Variants in F2 observed in about 807,000 individuals in gnomAD.
The protein encoded by F2 is coagulation factor II, thrombin, also known as prothrombin.
F2 carries 34 observed loss-of-function variants against 81.9 expected under a neutral mutation model. The observed-to-expected ratio is 0.42, with a 90% CI of 0.32 to 0.55. The LOEUF (loss-of-function observed/expected upper bound fraction) is 0.55. F2 is among the 20% of genes least tolerant of loss of function. F2 has a pLI of 0.18. For synonymous variants in F2, 296 were observed against 326.4 expected (o/e 0.91, Z 1.01); for missense variants, 630 against 833.4 (o/e 0.76, Z 3.00).
intron 12 of F2, among the ~76,000 whole-genome samples, chr11:46,736,455 C>T (rs926398612): frequency 1.3e-5 from 2 of 151,992 alleles, no homozygotes; most frequent in East Asian, 1.9e-4. Flanking sequence ...TTTTTTCCTG[C>T]ATCCAGCTAA....
Position 46,739,247 on chromosome 11 carries a change from C to T in F2, c.1726-18C>T, listed in dbSNP as rs777615414. Reference sequence around the variant, plus strand: ...CCTTGAACTTGACTCTATTGGAAACCTCATCTTTCTTCTTCAGAGCCCCTT... The same window carrying T: ...CCTTGAACTTGACTCTATTGGAAACTTCATCTTTCTTCTTCAGAGCCCCTT... On this transcript the variant is annotated intron_variant, in intron 13 of 13. Coordinates refer to ENST00000311907, the MANE Select transcript of F2 (RefSeq NM_000506.5). 1.9e-6 allele frequency: 3 copies of T among 1,613,590 alleles called. No individual in the cohort carries two copies. Among genetic ancestry groups the T allele is most frequent in the East Asian group, 2.2e-5 (1 of 44,884 alleles).
intron 12 of F2, among the ~76,000 whole-genome samples, chr11:46,731,465 G>A (rs145419392): frequency 1.3e-5 from 2 of 151,702 alleles, no homozygotes; most frequent in African/African-American, 4.8e-5. Flanking sequence ...ACAGGCGTGA[G>A]CCACAGCACC....
rs3136506 is a variant in F2 at position 46,738,045 on chromosome 11, G to A, written c.1655-1003G>A. Among the ~76,000 whole-genome samples, 913 of 151,542 alleles carry A rather than the reference G, an allele frequency of 6.0e-3. 11 individuals are homozygous for A. The highest frequency in any genetic ancestry group is 0.021 in the African/African-American group (857 of 41,304). ...CAGAGTCTTGTTCTGTCGCTCAGGC[G>A]GTAGTGCAGTGGTGCAATCCCGGCT... On this transcript the variant is annotated intron_variant, in intron 12 of 13. Coordinates refer to ENST00000311907, the MANE Select transcript of F2 (RefSeq NM_000506.5).
intron 12 of F2, among the ~76,000 whole-genome samples, chr11:46,733,785 T>C (rs1443673353): frequency 8.9e-6 from 1 of 111,832 alleles, no homozygotes; most frequent in Non-Finnish European, 2.1e-5. Flanking sequence ...TAAGGACCTT[T>C]TTTTTTTTTT....
Position 46,726,768 on chromosome 11 carries a change from A to G in F2, c.1061A>G (p.Glu354Gly). The G allele has an allele frequency of 1.9e-6, 3 of 1,614,128 alleles. No individual in the cohort carries two copies. Among genetic ancestry groups the G allele is most frequent in the Non-Finnish European group, 2.5e-6 (3 of 1,180,026 alleles). The change falls in exon 9 of 14, where the codon GAG (glutamate) becomes GGG (glycine). Residue 354 changes from glutamate (E) to glycine (G), a missense_variant. Coordinates refer to ENST00000311907, the MANE Select transcript of F2 (RefSeq NM_000506.5). This position sits in a 1 kb window ranked among gnomAD's most constrained non-coding sequence, Gnocchi z 5.9. ...TCGCTGGAGGACAAAACCGAAAGAG[A>G]GCTCCTGGAATCCTACATCGACGGG... ...KKSLEDKTER[E>G]LLESYIDGRI...
chr11:46,738,475 C>T (rs1565709287), intron 12 of F2, among the ~76,000 whole-genome samples: 2 of 151,386 alleles, frequency 1.3e-5, no homozygotes, highest in Admixed American at 1.3e-4. Context: ...GGTCTTTTAT[C>T]ATTAATTAAT....
intron 12 of F2, 86 bp from the exon 13 acceptor site, chr11:46,738,962 T>C (rs1458505385): frequency 3.7e-6 from 5 of 1,352,046 alleles, no homozygotes; most frequent in Non-Finnish European, 5.3e-6. Flanking sequence ...GAGGGGTAAG[T>C]GGACTCTCAC....
intron 12 of F2, among the ~76,000 whole-genome samples, chr11:46,733,056 A>G (rs2064923136): frequency 6.6e-6 from 1 of 152,022 alleles, no homozygotes; most frequent in African/African-American, 2.4e-5. Flanking sequence ...TCATCTATAT[A>G]AAAAACCATG....
At chr11:46,727,586 T>TCGAACA (rs1445949652) in intron 9 of F2, among the ~76,000 whole-genome samples, 3 of 151,942 alleles carry the variant, frequency 2.0e-5, no homozygotes, top group Non-Finnish European at 2.9e-5. Flanking sequence ...GAGGCCAGCC[T>TCGAACA]GGGCAAAATG....
Position 46,728,128 on chromosome 11 carries a change from C to A in F2, c.1263C>A (p.Asp421Glu), listed in dbSNP as rs2064888017. Residue 421 changes from aspartate (D) to glutamate (E), a missense_variant, in exon 10 of 14, where the codon GAC becomes GAA. Physicochemically the swap from Asp to Glu is conservative, Grantham distance 45. Transcript: ENST00000311907. The surrounding 1 kb of genome is among the most constrained non-coding windows in gnomAD (Gnocchi z 5.1). The stretch of plus-strand genomic sequence containing the variant: ...GGGACAAGAACTTCACCGAGAATGA[C>A]CTTCTGGTGCGCATTGGCAAGCACT... Reference protein sequence around the residue: ...PPWDKNFTENDLLVRIGKHSR... With the variant: ...PPWDKNFTENELLVRIGKHSR... 1 of 1,610,874 alleles carries A rather than the reference C, an allele frequency of 6.2e-7. No individual in the cohort carries two copies. The highest frequency in any genetic ancestry group is 8.5e-7 in the Non-Finnish European group (1 of 1,179,022).
rs1456728300 is a variant in F2, at chr11:46,719,295, C to T, written c.60C>T (p.Ser20=). The change falls in exon 1 of 14, where the codon AGC becomes AGT. Residue 20 remains serine (S), a synonymous_variant. Coordinates refer to ENST00000311907, the MANE Select transcript of F2 (RefSeq NM_000506.5). The surrounding 1 kb of genome is among the most constrained non-coding windows in gnomAD (Gnocchi z 4.7). The stretch of plus-strand genomic sequence containing the variant: ...GCCTGGCCCTGGCTGCCCTGTGTAG[C>T]CTTGTGCACAGCCAGCATGGTAAGG... The part of the protein sequence containing the change: ...PGCLALAALC[S]LVHSQHVFLA... The T allele has an allele frequency of 3.1e-6, 5 of 1,613,276 alleles. No homozygotes were observed. Among genetic ancestry groups the T allele is most frequent in the Non-Finnish European group, 4.2e-6 (5 of 1,179,948 alleles).
Position 46,719,453 on chromosome 11 carries a change from G to A in F2, c.79+139G>A, listed in dbSNP as rs1565700510. On this transcript the variant is annotated intron_variant, in intron 1 of 13. Transcript: ENST00000311907. This position sits in a 1 kb window ranked among gnomAD's most constrained non-coding sequence, Gnocchi z 4.7. ...CCCAGGCGGCCAGCTTAGGGAAGAA[G>A]TCAGGAGCTCAGGGCTGGAAAGAGA... The A allele has an allele frequency of 1.9e-6, 2 of 1,078,992 alleles. No individual in the cohort carries two copies. 66.8% of individuals were successfully genotyped at this position (1,078,992 alleles called of 1,614,324 possible).
intron 12 of F2, among the ~76,000 whole-genome samples, chr11:46,738,063 T>G (rs890811285): frequency 2.0e-5 from 3 of 152,048 alleles, no homozygotes; most frequent in African/African-American, 7.2e-5. Context: ...AGTGGTGCAA[T>G]CCCGGCTCAC....
chr11:46,719,551 C>A lies in F2; in HGVS notation c.80-151C>A. 9.2e-7 allele frequency: 1 copy of A among 1,090,922 alleles called. No homozygotes were observed. The highest frequency in any genetic ancestry group is 1.3e-6 in the Non-Finnish European group (1 of 751,410). The allele number at this position is 1,090,922 out of a possible 1,614,324, so 67.6% of individuals were successfully genotyped here. A position where few individuals can be genotyped will look rare whatever the true frequency, so the allele number is the denominator to read the frequency against. On this transcript the variant is annotated intron_variant, in intron 1 of 13. Transcript: ENST00000311907. This position sits in a 1 kb window ranked among gnomAD's most constrained non-coding sequence, Gnocchi z 4.7. ...GCAGTGTAGGAGGGGCACAGGGGGCCACATTTAGCAGCCTTCCAGGCACTT... is the reference window on the plus strand; with the variant it reads ...GCAGTGTAGGAGGGGCACAGGGGGCAACATTTAGCAGCCTTCCAGGCACTT...
At chr11:46,738,635 A>G (rs1365656624) in intron 12 of F2, among the ~76,000 whole-genome samples, 2 of 151,904 alleles carry the variant, frequency 1.3e-5, no homozygotes, top group African/African-American at 4.8e-5. Context: ...CACCATGCCC[A>G]GCTAATTTTT....
rs35768741 is a variant in F2 at position 46,731,573 on chromosome 11, GAA to G, written c.1654+2027_1654+2028del. On this transcript the variant is annotated intron_variant, in intron 12 of 13. Transcript: ENST00000311907. Reference sequence around the variant, plus strand: ...TAGTCTTGCTAATGTCTTTTATAGGGAAAAAAAAAAAAAAAAGCGTGTTTCTC... The same window carrying G: ...TAGTCTTGCTAATGTCTTTTATAGGGAAAAAAAAAAAAAAGCGTGTTTCTC... Among the ~76,000 whole-genome samples the G allele has an allele frequency of 3.1e-3, 408 of 131,630 alleles. 2 individuals are homozygous for G. The highest frequency in any genetic ancestry group is 0.01 in the African/African-American group (393 of 37,790). The allele number at this position is 131,630 out of a possible 152,430, so 86.4% of individuals were successfully genotyped here. A position where few individuals can be genotyped will look rare whatever the true frequency, so the allele number is the denominator to read the frequency against.
chr11:46,730,801 C>CATATATATATAT (rs1555157927), intron 12 of F2, among the ~76,000 whole-genome samples: 9 of 135,492 alleles, frequency 6.6e-5, no homozygotes, highest in Non-Finnish European at 1.3e-4. Context: ...TATATATATG[C>CATATATATATAT]ATAGTTTGAG....
chr11:46,734,765 CGT>C (rs1216557543), intron 12 of F2, among the ~76,000 whole-genome samples: 2 of 152,104 alleles, frequency 1.3e-5, no homozygotes, highest in East Asian at 3.9e-4. Context: ...GAGCAGAGAT[CGT>C]GCCGCTGCAC....
chr11:46,729,812 G>C (rs1295577654), intron 12 of F2, among the ~76,000 whole-genome samples: 5 of 152,122 alleles, frequency 3.3e-5, no homozygotes, highest in Non-Finnish European at 5.9e-5. Flanking sequence ...AAGAGGCTGC[G>C]GGTAGGGAAA....
Sources: allele counts gnomAD v4.1 joint callset (sites outside exome capture counted in the v4.1 genomes callset), GRCh38; gene constraint gnomAD v4.1.1; non-coding constraint Gnocchi (gnomAD v3.1); transcripts MANE v1.5; gene names NCBI Gene and HGNC (gene_info 2026-07-23, HGNC 2026-07-21).